CDX2: variants seen among roughly 807,000 people sequenced by gnomAD.
The protein encoded by CDX2 is caudal type homeobox 2.
CDX2 carries 7 observed loss-of-function variants against 25.5 expected under a neutral mutation model. The ratio of observed to expected loss-of-function variants is 0.27; its 90% CI spans 0.16 to 0.52. The LOEUF is 0.52. Ranked by LOEUF, CDX2 falls within the 20% of genes least tolerant of loss-of-function variation. The pLI, the probability that CDX2 is intolerant of heterozygous loss-of-function variation, is 0.97. For synonymous variants in CDX2, 222 were observed against 198.6 expected (o/e 1.12, Z -0.99); for missense variants, 375 against 431.4 (o/e 0.87, Z 1.16).
rs755062837 is a variant in CDX2 at position 27,963,333 on chromosome 13, T to G, written c.724A>C (p.Arg242=). The G allele has an allele frequency of 1.2e-6, 2 of 1,608,612 alleles. No individual in the cohort carries two copies. The highest frequency in any genetic ancestry group is 1.1e-5 in the South Asian group (1 of 90,710). The change falls in exon 3 of 3, where the codon AGG becomes CGG. Residue 242 remains arginine, a synonymous_variant. Transcript: ENST00000381020. ...IWFQNRRAKE[R]KINKKKLQQQ... ...TGCAACTTCTTCTTGTTGATTTTCC[T>G]CTCCTTTGCTCTGCGGTTCTGAAAC...
In CDX2 at chr13:27,969,285, C is replaced by T. The variant is rs1869518574; in HGVS notation, c.-279G>A. ...GGAAGACCCGCCACAGGCTGGCGTG[C>T]GGAGCCCCAGGCCGGCGGCCTTCCG... On this transcript the variant is annotated 5_prime_UTR_variant, in exon 1 of 3. Transcript: ENST00000381020. The T allele has an allele frequency of 6.2e-6, 3 of 486,420 alleles. No individual in the cohort carries two copies. Among genetic ancestry groups the T allele is most frequent in the Non-Finnish European group, 1.1e-5 (3 of 275,448 alleles). 30.1% of individuals were successfully genotyped at this position (486,420 alleles called of 1,614,324 possible).
Position 27,963,060 on chromosome 13 carries a change from C to T in CDX2, c.*55G>A, listed in dbSNP as rs1869134911. The T allele has an allele frequency of 7.0e-6, 11 of 1,561,498 alleles. No homozygotes were observed. The South Asian group carries it at 1.3e-4, about 19-fold the overall frequency. On this transcript the variant is annotated 3_prime_UTR_variant, in exon 3 of 3. Coordinates refer to ENST00000381020, the MANE Select transcript of CDX2 (RefSeq NM_001265.6). ...TCTCTCCTGAGGAGTCTAGCAGAGTCCACGCTCCTCATGGCTCAGCCTGGA... is the reference window on the plus strand; with the variant it reads ...TCTCTCCTGAGGAGTCTAGCAGAGTTCACGCTCCTCATGGCTCAGCCTGGA...
chr13:27,965,639 C>T (rs542999677), intron 1 of CDX2, among the ~76,000 whole-genome samples: 17 of 152,320 alleles, frequency 1.1e-4, no homozygotes, highest in African/African-American at 4.1e-4. Flanking sequence ...CCTGCCCAGA[C>T]CAGGTTTGGC....
At position 27,963,121 on chromosome 13, in the gene CDX2, G is replaced by A. The variant is rs751890323; in HGVS notation, c.936C>T (p.Thr312=). The A allele has an allele frequency of 1.2e-6, 2 of 1,611,498 alleles. No homozygotes were observed. The highest frequency in any genetic ancestry group is 1.7e-6 in the Non-Finnish European group (2 of 1,178,192). Residue 312 remains threonine, a synonymous_variant, in exon 3 of 3, where the codon ACC becomes ACT. Transcript: ENST00000381020. The part of the protein sequence containing the change: ...PTGGVLNPTV[T]Q ...CGCTGCAGAACCCGGTGGGTCACTG[G>A]GTGACGGTGGGGTTTAGCACCCCCC...
Position 27,968,902 on chromosome 13 carries a change from C to CG in CDX2, c.104dup (p.Gln36AlafsTer192). The CG allele has an allele frequency of 1.9e-6, 3 of 1,607,640 alleles. No homozygotes were observed. Reference sequence around the variant, plus strand: ...GGTAACCGCCGTAGTCCGGGTACTGCGGGGGGCTGACGAAGTTCTGCGGCG... The same window carrying CG: ...GGTAACCGCCGTAGTCCGGGTACTGCGGGGGGGCTGACGAAGTTCTGCGGCG... On this transcript the variant is annotated frameshift_variant, in exon 1 of 3. Coordinates refer to ENST00000381020, the MANE Select transcript of CDX2 (RefSeq NM_001265.6). LOFTEE classifies it high-confidence loss of function.
intron 1 of CDX2, 53 bp from the exon 2 acceptor site, chr13:27,965,068 A>G (rs1206445948): frequency 6.3e-7 from 1 of 1,580,036 alleles, no homozygotes; most frequent in African/African-American, 1.3e-5. Context: ...CCCATCAGTC[A>G]TGGGTAATGA....
At chr13:27,967,218 C>T in intron 1 of CDX2, 1 of 487,992 alleles carries the variant, frequency 2.0e-6, no homozygotes, top group East Asian at 4.8e-5. Context: ...AAGGCGCCTC[C>T]TCTAGGAGAA....
chr13:27,962,218 A>G lies in CDX2; in HGVS notation c.*897T>C. On this transcript the variant is annotated 3_prime_UTR_variant, in exon 3 of 3. Coordinates refer to ENST00000381020, the MANE Select transcript of CDX2 (RefSeq NM_001265.6). Reference sequence around the variant, plus strand: ...CAAATACTCCCCACTTCCCTTCACCATATCACTTCTCCCCCCATGGATCCA... The same window carrying G: ...CAAATACTCCCCACTTCCCTTCACCGTATCACTTCTCCCCCCATGGATCCA... 4.3e-6 allele frequency: 1 copy of G among 232,474 alleles called. No homozygotes were observed. The allele number at this position is 232,474 out of a possible 1,614,324, so 14.4% of individuals were successfully genotyped here.
chr13:27,962,279 G>T lies in CDX2; in HGVS notation c.*836C>A. 2 of 231,266 alleles carry T rather than the reference G, an allele frequency of 8.6e-6. No homozygotes were observed. The highest frequency in any genetic ancestry group is 1.7e-5 in the Non-Finnish European group (2 of 116,932). 14.3% of individuals were successfully genotyped at this position (231,266 alleles called of 1,614,324 possible). A position where few individuals can be genotyped will look rare whatever the true frequency, so the allele number is the denominator to read the frequency against. ...AAAACTCTGGCTTGGATGTTACACA[G>T]ACCAACAACCCAAACAGCAGCAACA... is the stretch of plus-strand genomic sequence containing the variant. On this transcript the variant is annotated 3_prime_UTR_variant, in exon 3 of 3. Coordinates refer to ENST00000381020, the MANE Select transcript of CDX2 (RefSeq NM_001265.6).
rs1254917754 is a variant in CDX2 at position 27,960,955 on chromosome 13, C to T, written c.*2160G>A. On this transcript the variant is annotated 3_prime_UTR_variant, in exon 3 of 3. Transcript: ENST00000381020. The stretch of plus-strand genomic sequence containing the variant: ...ACAGGGTTTATTGACAGGCGTTTCA[C>T]GGCAACGCATAGCAACCCCGGCGGC... Among the ~76,000 whole-genome samples the T allele has an allele frequency of 6.6e-6, 1 of 152,252 alleles. No homozygotes were observed. The highest frequency in any genetic ancestry group is 1.5e-5 in the Non-Finnish European group (1 of 68,042).
In CDX2 at chr13:27,964,819, TG is replaced by T; in HGVS notation, c.687+50del. 1 of 1,593,160 alleles carries T rather than the reference TG, an allele frequency of 6.3e-7. No individual in the cohort carries two copies. Among genetic ancestry groups the T allele is most frequent in the Non-Finnish European group, 8.6e-7 (1 of 1,165,298 alleles). On this transcript the variant is annotated intron_variant, in intron 2 of 2. Transcript: ENST00000381020. This position sits in a 1 kb window ranked among gnomAD's most constrained non-coding sequence, Gnocchi z 4.7. ...CTGCAGCCAGATTTTCTAACTCTCA[TG>T]GTCCTCTGCCAGGCAGTGGCCCGCC...
In CDX2 at chr13:27,960,927, C is replaced by T. The variant is rs1255248970; in HGVS notation, c.*2188G>A. ...ACCCATGTGCTCTTGCTCCACTGTC[C>T]AAACAGGGTTTATTGACAGGCGTTT... On this transcript the variant is annotated 3_prime_UTR_variant, in exon 3 of 3. Transcript: ENST00000381020. Among the ~76,000 whole-genome samples the T allele has an allele frequency of 6.6e-6, 1 of 152,264 alleles. No individual in the cohort carries two copies. Among genetic ancestry groups the T allele is most frequent in the African/African-American group, 2.4e-5 (1 of 41,480 alleles).
chr13:27,964,741 A>G lies in CDX2; in HGVS notation c.687+129T>C. 1 of 745,742 alleles carries G rather than the reference A, an allele frequency of 1.3e-6. No individual in the cohort carries two copies. 46.2% of individuals were successfully genotyped at this position (745,742 alleles called of 1,614,324 possible). A position where few individuals can be genotyped will look rare whatever the true frequency, so the allele number is the denominator to read the frequency against. Reference sequence around the variant, plus strand: ...AAAAAAAAAAAAAAAAGGACTCCAAAGACGAATGCTTGCATCCTCCTGCTT... The same window carrying G: ...AAAAAAAAAAAAAAAAGGACTCCAAGGACGAATGCTTGCATCCTCCTGCTT... On this transcript the variant is annotated intron_variant, in intron 2 of 2. Coordinates refer to ENST00000381020, the MANE Select transcript of CDX2 (RefSeq NM_001265.6). The surrounding 1 kb of genome is among the most constrained non-coding windows in gnomAD (Gnocchi z 4.7).
chr13:27,968,527 G>A lies in CDX2; in HGVS notation c.480C>T (p.Gly160=). The A allele has an allele frequency of 6.4e-7, 1 of 1,564,348 alleles. No individual in the cohort carries two copies. Among genetic ancestry groups the A allele is most frequent in the East Asian group, 2.5e-5 (1 of 40,300 alleles). ...TAAAEQLSPG[G]QRRNLCEWMR... ...TCCACTCGCACAGGTTCCGCCGCTG[G>A]CCGCCGGGAGACAGCTGCTCGGCGG... The change falls in exon 1 of 3, where the codon GGC becomes GGT. Residue 160 remains glycine, a synonymous_variant. Coordinates refer to ENST00000381020, the MANE Select transcript of CDX2 (RefSeq NM_001265.6).
Position 27,965,210 on chromosome 13 carries a change from C to T in CDX2, c.542-195G>A, listed in dbSNP as rs566960156. Among the ~76,000 whole-genome samples the T allele has an allele frequency of 2.8e-4, 42 of 152,242 alleles. 1 individual carries two copies. In the East Asian group the frequency reaches 7.7e-3, roughly 28 times the overall value. Reference sequence around the variant, plus strand: ...GGGGAGGGTATGAGGCTAGTGGAGGCAACTAAACTAACCTTGGTATTAAGT... The same window carrying T: ...GGGGAGGGTATGAGGCTAGTGGAGGTAACTAAACTAACCTTGGTATTAAGT... On this transcript the variant is annotated intron_variant, in intron 1 of 2. Coordinates refer to ENST00000381020, the MANE Select transcript of CDX2 (RefSeq NM_001265.6).
Position 27,961,828 on chromosome 13 carries a change from G to T in CDX2, c.*1287C>A, listed in dbSNP as rs1207359311. Among the ~76,000 whole-genome samples, 1 of 152,088 alleles carries T rather than the reference G, an allele frequency of 6.6e-6. No individual in the cohort carries two copies. The highest frequency in any genetic ancestry group is 1.5e-5 in the Non-Finnish European group (1 of 67,994). On this transcript the variant is annotated 3_prime_UTR_variant, in exon 3 of 3. Coordinates refer to ENST00000381020, the MANE Select transcript of CDX2 (RefSeq NM_001265.6). ...GGATTTGGTGAGATGCTATGAGGGG[G>T]CCCTCTCACCCCCACCCCCCATAAT...
Position 27,961,699 on chromosome 13 carries a change from A to T in CDX2, c.*1416T>A, listed in dbSNP as rs202054630. On this transcript the variant is annotated 3_prime_UTR_variant, in exon 3 of 3. Coordinates refer to ENST00000381020, the MANE Select transcript of CDX2 (RefSeq NM_001265.6). ...TGGGAAACTAGGGGGATTTTTTTTA[A>T]AAAAAATTTAATGCTCACGTTTAAC... Among the ~76,000 whole-genome samples, 211 of 8,224 alleles carry T rather than the reference A, an allele frequency of 0.026. 5 individuals are homozygous for T. In the East Asian group the frequency reaches 0.26, roughly 10 times the overall value. The allele number at this position is 8,224 out of a possible 152,430, so 5.4% of individuals were successfully genotyped here. A position where few individuals can be genotyped will look rare whatever the true frequency, so the allele number is the denominator to read the frequency against.
chr13:27,968,450 C>A lies in CDX2; in HGVS notation c.541+16G>T, dbSNP rs770750602. 8 of 1,515,762 alleles carry A rather than the reference C, an allele frequency of 5.3e-6. No homozygotes were observed. In the Admixed American group the frequency reaches 6.4e-5, roughly 12 times the overall value. The allele number at this position is 1,515,762 out of a possible 1,614,324, so 93.9% of individuals were successfully genotyped here. ...CCTTCCCAAGCACCCTCCGAAGGGGCGCAGCCTCTGCTTACCTTGGCTGCC... is the reference window on the plus strand; with the variant it reads ...CCTTCCCAAGCACCCTCCGAAGGGGAGCAGCCTCTGCTTACCTTGGCTGCC... On this transcript the variant is annotated intron_variant, in intron 1 of 2. Coordinates refer to ENST00000381020, the MANE Select transcript of CDX2 (RefSeq NM_001265.6).
In CDX2 at chr13:27,968,529, C is replaced by A. The variant is rs1016535420; in HGVS notation, c.478G>T (p.Gly160Cys). Residue 160 changes from glycine to cysteine, a missense_variant, in exon 1 of 3, where the codon GGC (glycine) becomes TGC (cysteine). Coordinates refer to ENST00000381020, the MANE Select transcript of CDX2 (RefSeq NM_001265.6). The part of the protein sequence containing the change: ...TAAAEQLSPG[G>C]QRRNLCEWMR... ...CACTCGCACAGGTTCCGCCGCTGGCCGCCGGGAGACAGCTGCTCGGCGGCA... is the reference window on the plus strand; with the variant it reads ...CACTCGCACAGGTTCCGCCGCTGGCAGCCGGGAGACAGCTGCTCGGCGGCA... 3 of 1,564,490 alleles carry A rather than the reference C, an allele frequency of 1.9e-6. No individual in the cohort carries two copies. The highest frequency in any genetic ancestry group is 1.8e-5 in the Admixed American group (1 of 55,558).
Sources: gnomAD v4.1 joint callset for allele counts (sites outside exome capture counted in the v4.1 genomes callset) on GRCh38, gnomAD v4.1.1 for gene constraint, Gnocchi (gnomAD v3.1) non-coding constraint, MANE v1.5 for transcripts, NCBI Gene and HGNC (gene_info 2026-07-23, HGNC 2026-07-21) for gene names.